The following PRKCH variants were observed in gnomAD, a reference collection of about 807,000 sequenced individuals.
PRKCH encodes protein kinase C eta type.
In PRKCH, 28 loss-of-function variants were observed where a neutral mutation model predicts 82.5. The observed-to-expected ratio is 0.34, with a 90% CI of 0.25 to 0.47. The LOEUF is 0.47. Ranked by LOEUF, PRKCH falls within the 20% of genes least tolerant of loss-of-function variation. PRKCH has a pLI of 1.00. For missense variants in PRKCH, 705 were observed against 881.8 expected, an observed-to-expected ratio of 0.80 and a Z score of 2.54; for synonymous variants, 322 against 327.4, an observed-to-expected ratio of 0.98 and a Z score of 0.18.
At chr14:61,389,853 G>C (rs1370397204) in intron 1 of PRKCH, among the ~76,000 whole-genome samples, 4 of 152,002 alleles carry the variant, frequency 2.6e-5, no homozygotes, top group Admixed American at 6.5e-5. Flanking sequence ...CTAGTAGGGG[G>C]GCTCTTTCCA....
At chr14:61,503,293 G>GTT (rs779965799) in intron 10 of PRKCH, among the ~76,000 whole-genome samples, 4,219 of 138,164 alleles carry the variant, frequency 0.031, 198 homozygotes, top group African/African-American at 0.11. Flanking sequence ...TGTGTTAGTG[G>GTT]TTTTTTTTTT....
intron 10 of PRKCH, among the ~76,000 whole-genome samples, chr14:61,486,690 T>C (rs1886241506): frequency 6.6e-6 from 1 of 152,024 alleles, no homozygotes; most frequent in Admixed American, 6.6e-5. Flanking sequence ...CTTTCTTTTT[T>C]TTTTTTTAAG....
chr14:61,247,371 T>A (rs1187620985), intron 1 of PRKCH, among the ~76,000 whole-genome samples: 1 of 152,036 alleles, frequency 6.6e-6, no homozygotes, highest in East Asian at 1.9e-4. Context: ...CCTTAGGAAC[T>A]GGTTTAAATG....
In PRKCH at chr14:61,322,378, G is replaced by C. The variant is rs2045637914; in HGVS notation, c.277G>C (p.Gly93Arg). The change falls in exon 1 of 14, where the codon GGC becomes CGC. Residue 93 changes from glycine to arginine, a missense_variant. This residue lies in a region of PRKCH where 246 missense variants were observed against 308.0 expected (regional missense o/e 0.80). Transcript: ENST00000332981. The part of the protein sequence containing the change: ...ELAVFHETPL[G>R]YDHFVANCTL... ...GGCCGTCTTCCACGAGACGCCCCTGGGCTACGACCACTTCGTGGCCAACTG... is the reference window on the plus strand; with the variant it reads ...GGCCGTCTTCCACGAGACGCCCCTGCGCTACGACCACTTCGTGGCCAACTG... 1 of 1,612,904 alleles carries C rather than the reference G, an allele frequency of 6.2e-7. No individual in the cohort carries two copies. The highest frequency in any genetic ancestry group is 1.3e-5 in the African/African-American group (1 of 74,812).
intron 2 of PRKCH, among the ~76,000 whole-genome samples, chr14:61,395,621 T>C (rs2046767614): frequency 6.6e-6 from 1 of 152,100 alleles, no homozygotes; most frequent in African/African-American, 2.4e-5. Context: ...TCAGATGATA[T>C]AATATATGGG....
At chr14:61,295,052 A>C (rs1452098265) in intron 1 of PRKCH, among the ~76,000 whole-genome samples, 2 of 152,018 alleles carry the variant, frequency 1.3e-5, no homozygotes, top group African/African-American at 4.8e-5. Flanking sequence ...TTTTTAGTAG[A>C]GACAGGTTTT....
intron 9 of PRKCH, among the ~76,000 whole-genome samples, chr14:61,465,768 A>C (rs1885225564): frequency 6.6e-6 from 1 of 152,218 alleles, no homozygotes; most frequent in Non-Finnish European, 1.5e-5. Context: ...GGTACACTTC[A>C]ATAATATACT....
intron 12 of PRKCH, among the ~76,000 whole-genome samples, chr14:61,547,148 A>G (rs1014275111): frequency 6.6e-6 from 1 of 152,242 alleles, no homozygotes; most frequent in Non-Finnish European, 1.5e-5. Flanking sequence ...AAAGCCTTTC[A>G]TCTAGAGCTA....
chr14:61,392,850 T>C (rs1451331732), intron 2 of PRKCH, among the ~76,000 whole-genome samples: 1 of 152,036 alleles, frequency 6.6e-6, no homozygotes, highest in Non-Finnish European at 1.5e-5. Context: ...TTTTGTTTTT[T>C]TTTTTTAAGA....
In PRKCH at chr14:61,278,088, T is replaced by A. The variant is rs561517502; in HGVS notation, c.-19+90420T>A. ...TCAGAATACTTTAACTTTCATAGTCTCATTTAAAATTTTATAGCAATATAC... is the reference window on the plus strand; with the variant it reads ...TCAGAATACTTTAACTTTCATAGTCACATTTAAAATTTTATAGCAATATAC... On this transcript the variant is annotated intron_variant, in intron 1 of 3. Coordinates refer to the PRKCH transcript ENST00000555185. The A allele has an allele frequency of 2.6e-5, 4 of 152,330 alleles. No homozygotes were observed. The South Asian group carries it at 8.3e-4, about 32-fold the overall frequency. 9.4% of individuals were successfully genotyped at this position (152,330 alleles called of 1,614,324 possible). A position where few individuals can be genotyped will look rare whatever the true frequency, so the allele number is the denominator to read the frequency against.
chr14:61,482,880 C>A lies in PRKCH; in HGVS notation c.1279-2622C>A, dbSNP rs114258394. Reference sequence around the variant, plus strand: ...ATCTGGAATTTAGCCCACAGTCTGGCTTTTAGATTTTAGGCTTTCGATGCC... The same window carrying A: ...ATCTGGAATTTAGCCCACAGTCTGGATTTTAGATTTTAGGCTTTCGATGCC... On this transcript the variant is annotated intron_variant, in intron 9 of 13. Coordinates refer to ENST00000332981, the MANE Select transcript of PRKCH (RefSeq NM_006255.5). Among the ~76,000 whole-genome samples, 302 of 152,300 alleles carry A rather than the reference C, an allele frequency of 2.0e-3. 2 individuals are homozygous for A. Among genetic ancestry groups the A allele is most frequent in the Middle Eastern group, 6.8e-3 (2 of 294 alleles).
intron 4 of PRKCH, among the ~76,000 whole-genome samples, chr14:61,446,876 A>G (rs1424377254): frequency 3.9e-5 from 6 of 152,272 alleles, no homozygotes; most frequent in Admixed American, 3.3e-4. Context: ...CATGGGATTT[A>G]AGATACATCT....
At chr14:61,293,611 C>G (rs1323879512) in intron 1 of PRKCH, among the ~76,000 whole-genome samples, 1 of 152,112 alleles carries the variant, frequency 6.6e-6, no homozygotes, top group Non-Finnish European at 1.5e-5. Context: ...TGTTAAAAAT[C>G]AGAGCTATTT....
intron 1 of PRKCH, among the ~76,000 whole-genome samples, chr14:61,188,704 A>AGTGTGTGTGTGTGT (rs754540967): frequency 0.035 from 3,039 of 85,618 alleles, 331 homozygotes; most frequent in Non-Finnish European, 0.047. Context: ...ACGTTGCTGT[A>AGTGTGTGTGTGTGT]GTGTGTGTGT....
intron 10 of PRKCH, among the ~76,000 whole-genome samples, chr14:61,497,329 G>A (rs1886712961): frequency 6.6e-6 from 1 of 152,120 alleles, no homozygotes; most frequent in African/African-American, 2.4e-5. Context: ...ACTCACCTGA[G>A]GGTGGTTGTT....
At chr14:61,299,736 A>T (rs2045435481) in intron 1 of PRKCH, 1 of 152,132 alleles carries the variant, frequency 6.6e-6, no homozygotes, top group Non-Finnish European at 1.5e-5. Flanking sequence ...TTCATCTCCC[A>T]TGAGACCTTT....
chr14:61,503,901 T>C (rs980228002), intron 10 of PRKCH, among the ~76,000 whole-genome samples: 1 of 152,164 alleles, frequency 6.6e-6, no homozygotes, highest in Non-Finnish European at 1.5e-5. Context: ...TTTTAAGATA[T>C]AACTCTAGAA....
chr14:61,443,274 C>G lies in PRKCH; in HGVS notation c.578+13C>G. 6.2e-7 allele frequency: 1 copy of G among 1,611,836 alleles called. No individual in the cohort carries two copies. The highest frequency in any genetic ancestry group is 8.5e-7 in the Non-Finnish European group (1 of 1,178,614). ...GGGAGTTTATCTGGTAAGGGGTTCC[C>G]TTACTTCTGTCCTCCTCAGAGCTTC... On this transcript the variant is annotated intron_variant, in intron 3 of 13. Coordinates refer to ENST00000332981, the MANE Select transcript of PRKCH (RefSeq NM_006255.5).
intron 2 of PRKCH, among the ~76,000 whole-genome samples, chr14:61,417,404 C>T (rs1205571888): frequency 6.6e-6 from 1 of 152,214 alleles, no homozygotes; most frequent in Non-Finnish European, 1.5e-5. Context: ...TGCAGCACAG[C>T]AGAGACTGCT....
Sources: allele counts gnomAD v4.1 joint callset (sites outside exome capture counted in the v4.1 genomes callset), GRCh38; gene constraint gnomAD v4.1.1; regional missense constraint gnomAD v4.1.1; transcripts MANE v1.5; gene names NCBI Gene and HGNC (gene_info 2026-07-23, HGNC 2026-07-21).